HSDL2: variants seen among roughly 807,000 people sequenced by gnomAD.
HSDL2 encodes hydroxysteroid dehydrogenase like 2, also known as hydroxysteroid dehydrogenase-like protein 2.
A neutral mutation model predicts 46.3 loss-of-function variants in HSDL2; 27 were observed. The ratio of observed to expected loss-of-function variants is 0.58; its 90% CI spans 0.43 to 0.80. HSDL2 has a LOEUF of 0.80. HSDL2 is among the 30% of genes least tolerant of loss of function. The probability of loss-of-function intolerance (pLI) is 0.00; values close to 1 mark genes in which losing one functional copy is unlikely to be tolerated. For missense variants in HSDL2, 451 were observed against 502.7 expected (o/e 0.90, Z 0.98); for synonymous variants, 153 against 163.6 (o/e 0.94, Z 0.50).
chr9:112,434,299 G>A (rs1013742377), intron 6 of HSDL2, among the ~76,000 whole-genome samples: 1 of 152,140 alleles, frequency 6.6e-6, no homozygotes, highest in African/African-American at 2.4e-5. Context: ...GCTACAGAGA[G>A]GAAGGCAGTA....
At chr9:112,444,301 C>T (rs1383015935) in intron 8 of HSDL2, among the ~76,000 whole-genome samples, 1 of 152,200 alleles carries the variant, frequency 6.6e-6, no homozygotes, top group East Asian at 1.9e-4. Context: ...TTCTATTGCA[C>T]CAACAACTTA....
At chr9:112,411,237 G>A (rs1007543204) in intron 4 of HSDL2, among the ~76,000 whole-genome samples, 3 of 152,224 alleles carry the variant, frequency 2.0e-5, no homozygotes, top group African/African-American at 7.2e-5. Flanking sequence ...TTGGGAAAAT[G>A]AGACTTATGC....
chr9:112,409,462 A>G (rs1432250073), intron 4 of HSDL2, among the ~76,000 whole-genome samples: 1 of 152,146 alleles, frequency 6.6e-6, no homozygotes, highest in Non-Finnish European at 1.5e-5. Context: ...AAGTGCTGGG[A>G]TTACAGGCAT....
intron 10 of HSDL2, among the ~76,000 whole-genome samples, 178 bp downstream of exon 10, chr9:112,459,755 T>G (rs1833149131): frequency 1.3e-5 from 2 of 152,160 alleles, no homozygotes; most frequent in African/African-American, 2.4e-5. Flanking sequence ...CTCTCACAAG[T>G]GGAAGGTAGA....
chr9:112,401,974 C>G (rs574654994), intron 1 of HSDL2, among the ~76,000 whole-genome samples: 1 of 152,282 alleles, frequency 6.6e-6, no homozygotes, highest in African/African-American at 2.4e-5. Flanking sequence ...AACCGCTTCC[C>G]ACTTTTACCT....
chr9:112,390,794 A>G (rs1470508334), intron 1 of HSDL2, among the ~76,000 whole-genome samples: 4 of 152,196 alleles, frequency 2.6e-5, no homozygotes, highest in Non-Finnish European at 5.9e-5. Flanking sequence ...AACTTTTGAA[A>G]TACAAATTAA....
intron 8 of HSDL2, among the ~76,000 whole-genome samples, chr9:112,453,677 G>A (rs1832943943): frequency 6.6e-6 from 1 of 152,116 alleles, no homozygotes; most frequent in Admixed American, 6.5e-5. Context: ...ACATGCATGA[G>A]CCGCCACGCC....
intron 10 of HSDL2, among the ~76,000 whole-genome samples, chr9:112,467,809 C>T (rs1443730908): frequency 6.6e-6 from 1 of 152,120 alleles, no homozygotes; most frequent in African/African-American, 2.4e-5. Flanking sequence ...CCCCGGAGCC[C>T]TTTGTCTTCA....
chr9:112,431,937 T>A (rs1832414927), intron 6 of HSDL2, among the ~76,000 whole-genome samples: 1 of 149,562 alleles, frequency 6.7e-6, no homozygotes, highest in Admixed American at 6.8e-5. Flanking sequence ...TGGAGTGCAG[T>A]GGTGCGATCT....
chr9:112,443,267 G>A (rs1832680049), intron 8 of HSDL2, among the ~76,000 whole-genome samples: 1 of 152,090 alleles, frequency 6.6e-6, no homozygotes, highest in Non-Finnish European at 1.5e-5. Flanking sequence ...TGTTCTTTTT[G>A]TTTATTCAAC....
chr9:112,397,812 A>G (rs556393710), intron 1 of HSDL2, among the ~76,000 whole-genome samples: 7 of 152,316 alleles, frequency 4.6e-5, no homozygotes, highest in African/African-American at 1.7e-4. Flanking sequence ...CTGTAATACC[A>G]TTTTAACATA....
intron 8 of HSDL2, among the ~76,000 whole-genome samples, chr9:112,444,834 G>GTTTTTT: frequency 2.8e-4 from 22 of 79,562 alleles, no homozygotes; most frequent in African/African-American, 5.5e-4. Flanking sequence ...ACTCAGTCTT[G>GTTTTTT]TTTTTTTTTT....
intron 1 of HSDL2, among the ~76,000 whole-genome samples, chr9:112,385,296 C>A (rs1831191691): frequency 6.6e-6 from 1 of 152,052 alleles, no homozygotes; most frequent in South Asian, 2.1e-4. Flanking sequence ...GGTAAGAGAT[C>A]AGACTTCTTT....
chr9:112,394,481 G>C (rs1201604712), intron 1 of HSDL2, among the ~76,000 whole-genome samples: 1 of 152,176 alleles, frequency 6.6e-6, no homozygotes, highest in Non-Finnish European at 1.5e-5. Flanking sequence ...TTGGTGCCCA[G>C]TCTATTACTA....
At chr9:112,384,637 G>T (rs1831179633) in intron 1 of HSDL2, among the ~76,000 whole-genome samples, 1 of 151,876 alleles carries the variant, frequency 6.6e-6, no homozygotes, top group South Asian at 2.1e-4. Flanking sequence ...GGCTGTTGTG[G>T]TAAACTGAGG....
intron 9 of HSDL2, among the ~76,000 whole-genome samples, chr9:112,456,198 CAG>C (rs1222240975): frequency 2.0e-5 from 3 of 152,200 alleles, no homozygotes; most frequent in Non-Finnish European, 4.4e-5. Context: ...AACTTTAAAA[CAG>C]AACCCAGTGA....
At position 112,465,855 on chromosome 9, in the gene HSDL2, A is replaced by G. The variant is rs149104368; in HGVS notation, c.1145-4577A>G. Among the ~76,000 whole-genome samples, 104 of 152,320 alleles carry G rather than the reference A, an allele frequency of 6.8e-4. 1 individual carries two copies. The East Asian group carries it at 0.019, about 27-fold the overall frequency. On this transcript the variant is annotated intron_variant, in intron 10 of 10. Transcript: ENST00000398805. ...ATAATGCTTCGATAAACATTCATAT[A>G]CAAGTTTCTATGTGGCTTTATGTTT...
chr9:112,416,765 C>A, intron 4 of HSDL2, 76 bp from the exon 5 acceptor site: 1 of 699,880 alleles, frequency 1.4e-6, no homozygotes, highest in Non-Finnish European at 2.6e-6. Context: ...AGAGCAAGGC[C>A]CCCTCTCTTA....
chr9:112,467,694 A>AT (rs1833432018), intron 10 of HSDL2, among the ~76,000 whole-genome samples: 1 of 152,200 alleles, frequency 6.6e-6, no homozygotes. Flanking sequence ...GAATGCCAAC[A>AT]TTCAGTCCAT....
Sources: gnomAD v4.1 joint callset for allele counts (sites outside exome capture counted in the v4.1 genomes callset) on GRCh38, gnomAD v4.1.1 for gene constraint, MANE v1.5 for transcripts, NCBI Gene and HGNC (gene_info 2026-07-23, HGNC 2026-07-21) for gene names.